Variants in CAST observed in about 807,000 individuals in gnomAD.
CAST encodes MIR583 host.
Under a neutral mutation model 119.6 loss-of-function variants are expected in CAST, and 76 were observed. That is an observed-to-expected ratio of 0.64 (90% confidence interval 0.53 to 0.77). CAST has a LOEUF of 0.77. Ranked by LOEUF, CAST falls within the 30% of genes least tolerant of loss-of-function variation. The probability of loss-of-function intolerance (pLI) is 0.00; values close to 1 mark genes in which losing one functional copy is unlikely to be tolerated. For synonymous variants in CAST, 319 were observed against 331.6 expected (o/e 0.96, Z 0.41); for missense variants, 953 against 946.5 (o/e 1.01, Z -0.09).
the CAST span, among the ~76,000 whole-genome samples, chr5:96,190,378 A>G: frequency 3.2e-3 from 481 of 152,236 alleles, 7 homozygotes; most frequent in African/African-American, 0.011. Context: ...AATGAAGGAC[A>G]TTGAGTGACA....
chr5:96,768,881 T>C (rs1771053754), intron 29 of CAST: 1 of 155,762 alleles, frequency 6.4e-6, no homozygotes, highest in Admixed American at 6.5e-5. Context: ...CTCCTTGCTC[T>C]CTGTTACCTC....
chr5:96,384,209 T>A, the CAST span, among the ~76,000 whole-genome samples: 4 of 152,166 alleles, frequency 2.6e-5, no homozygotes, highest in African/African-American at 9.7e-5. Context: ...CGTAGGAAAT[T>A]GGGTAGAAAA....
At chr5:96,740,966 A>T in intron 13 of CAST, 183 bp downstream of exon 13, 2 of 605,434 alleles carry the variant, frequency 3.3e-6, no homozygotes, top group Non-Finnish European at 6.0e-6. Context: ...TGAGTCTCAT[A>T]AGTAGGTTTT....
At chr5:96,151,650 G>A in the CAST span, among the ~76,000 whole-genome samples, 1 of 152,164 alleles carries the variant, frequency 6.6e-6, no homozygotes, top group Admixed American at 6.5e-5. Flanking sequence ...AGGGATGGGA[G>A]TTCCTCTAGG....
chr5:96,536,289 G>A (rs562868430), intron 1 of CAST, among the ~76,000 whole-genome samples: 1 of 152,194 alleles, frequency 6.6e-6, no homozygotes, highest in East Asian at 1.9e-4. Context: ...AACCTGAGAG[G>A]TGGAGGTTAC....
At chr5:96,542,081 C>T (rs1228145370) in intron 1 of CAST, among the ~76,000 whole-genome samples, 4 of 152,100 alleles carry the variant, frequency 2.6e-5, no homozygotes, top group Non-Finnish European at 5.9e-5. Flanking sequence ...GAGGCTGAGG[C>T]GGGTGGATCA....
At chr5:96,144,007 CTCTGAGAA>C in the CAST span, among the ~76,000 whole-genome samples, 1 of 151,984 alleles carries the variant, frequency 6.6e-6, no homozygotes, top group Non-Finnish European at 1.5e-5. Context: ...GTAGGACGGC[CTCTGAGAA>C]TTATAGCAAG....
chr5:96,176,097 T>C, the CAST span, among the ~76,000 whole-genome samples: 1,208 of 152,286 alleles, frequency 7.9e-3, 12 homozygotes, highest in Non-Finnish European at 0.011. Flanking sequence ...TAAACTGTGA[T>C]CTGAAGGACA....
chr5:96,376,819 G>A, the CAST span, among the ~76,000 whole-genome samples: 1 of 152,090 alleles, frequency 6.6e-6, no homozygotes, highest in African/African-American at 2.4e-5. Flanking sequence ...ACAGCCTCAG[G>A]TAGGTCCTTC....
chr5:96,169,920 A>T, the CAST span, among the ~76,000 whole-genome samples: 138 of 152,272 alleles, frequency 9.1e-4, no homozygotes, highest in South Asian at 0.01. Flanking sequence ...AGTATTGTCT[A>T]AGTTGGCACC....
the CAST span, among the ~76,000 whole-genome samples, chr5:96,122,695 A>C: frequency 1.3e-5 from 2 of 151,568 alleles, no homozygotes; most frequent in Non-Finnish European, 2.9e-5. Context: ...TTATCTAAAA[A>C]CTGAAAGCAA....
At chr5:96,450,585 C>G in the CAST span, among the ~76,000 whole-genome samples, 1 of 152,128 alleles carries the variant, frequency 6.6e-6, no homozygotes, top group Non-Finnish European at 1.5e-5. Context: ...CCCCTAAACC[C>G]ATATAAATAA....
At chr5:96,083,385 C>T in the CAST span, among the ~76,000 whole-genome samples, 3 of 152,082 alleles carry the variant, frequency 2.0e-5, no homozygotes, top group South Asian at 4.2e-4. Context: ...TCATCCATAC[C>T]CATAGTCAGG....
the CAST span, among the ~76,000 whole-genome samples, chr5:96,442,268 C>T: frequency 2.2e-4 from 33 of 152,176 alleles, no homozygotes; most frequent in Non-Finnish European, 1.0e-4. Context: ...CCTCATGAAA[C>T]AGAGGAAATA....
At chr5:96,217,246 G>A in the CAST span, among the ~76,000 whole-genome samples, 1 of 118,268 alleles carries the variant, frequency 8.5e-6, no homozygotes, top group Non-Finnish European at 1.7e-5. Context: ...TTGCTTTGTT[G>A]CCCAGGCTGG....
In CAST at chr5:96,737,922, C is replaced by G; in HGVS notation, c.773C>G (p.Thr258Arg). 6.3e-7 allele frequency: 1 copy of G among 1,599,984 alleles called. No individual in the cohort carries two copies. Among genetic ancestry groups the G allele is most frequent in the Non-Finnish European group, 8.6e-7 (1 of 1,167,446 alleles). The change falls in exon 11 of 32, where the codon ACA (threonine) becomes AGA (arginine). Residue 258 changes from threonine (T) to arginine (R), a missense_variant. By Grantham distance (71) the Thr-to-Arg change is moderately conservative. Transcript: ENST00000675179. ...GGPEETEEEN[T>R]TYTGPEVSDP... is the part of the protein sequence containing the mutation. ...CCTGAAGAAACTGAAGAAGAAAATA[C>G]AACGTATACTGGACCAGAAGTTTCA...
the CAST span, among the ~76,000 whole-genome samples, chr5:96,124,508 T>A: frequency 1.3e-5 from 2 of 152,084 alleles, no homozygotes; most frequent in Non-Finnish European, 2.9e-5. Flanking sequence ...TTGAAACACA[T>A]CCAACTATAT....
the CAST span, among the ~76,000 whole-genome samples, chr5:96,216,606 C>T: frequency 6.6e-6 from 1 of 152,170 alleles, no homozygotes; most frequent in Admixed American, 6.5e-5. Flanking sequence ...CACTGAATTA[C>T]TCAGATCCTA....
chr5:96,201,637 C>T, the CAST span, among the ~76,000 whole-genome samples: 1 of 152,108 alleles, frequency 6.6e-6, no homozygotes, highest in African/African-American at 2.4e-5. Context: ...ACATTTCAAA[C>T]ACCTCGTAAT....
Sources: allele counts gnomAD v4.1 joint callset (sites outside exome capture counted in the v4.1 genomes callset), GRCh38; gene constraint gnomAD v4.1.1; transcripts MANE v1.5; gene names NCBI Gene and HGNC (gene_info 2026-07-23, HGNC 2026-07-21).